The following GON4L variants were observed in gnomAD, a reference collection of about 807,000 sequenced individuals.
The protein encoded by GON4L is gon-4 like.
A neutral mutation model predicts 211.8 loss-of-function variants in GON4L; 87 were observed. That is an observed-to-expected ratio of 0.41 (90% CI 0.35 to 0.49). The LOEUF is 0.49. GON4L is among the 20% of genes least tolerant of loss of function. The pLI, the probability that GON4L is intolerant of heterozygous loss-of-function variation, is 0.15. For missense variants in GON4L, 2,155 were observed against 2,659.5 expected, an observed-to-expected ratio of 0.81 and a Z score of 4.17; for synonymous variants, 875 against 962.6, an observed-to-expected ratio of 0.91 and a Z score of 1.68.
In GON4L at chr1:155,822,401, C is replaced by G. The variant is rs1214781528; in HGVS notation, c.773G>C (p.Gly258Ala). The change falls in exon 4 of 32, where the codon GGT becomes GCT. Residue 258 changes from glycine (G) to alanine (A), a missense_variant. Gly to Ala is a moderately conservative substitution (Grantham distance 60, BLOSUM62 0). Coordinates refer to ENST00000368331, the MANE Select transcript of GON4L (RefSeq NM_001282860.2). ...KGTKRKRDGR[G>A]QEGTLAYDLK... is the part of the protein sequence containing the mutation. ...GTCATATGCCAAGGTCCCTTCTTGA[C>G]CCCTTCCATCTCGTTTCCTCTTGGT... 1.2e-6 allele frequency: 2 copies of G among 1,613,648 alleles called. No homozygotes were observed. Among genetic ancestry groups the G allele is most frequent in the South Asian group, 2.2e-5 (2 of 91,076 alleles).
chr1:155,792,032 T>C (rs1665644421), intron 12 of GON4L, among the ~76,000 whole-genome samples: 1 of 152,134 alleles, frequency 6.6e-6, no homozygotes, highest in Admixed American at 6.6e-5. Context: ...TGAATTTGCA[T>C]TCAGATTTGG....
Position 155,825,029 on chromosome 1 carries a change from T to C in GON4L, c.697+1808A>G, listed in dbSNP as rs1669064831. Among the ~76,000 whole-genome samples, 3 of 151,968 alleles carry C rather than the reference T, an allele frequency of 2.0e-5. No individual in the cohort carries two copies. The South Asian group carries it at 6.2e-4, about 32-fold the overall frequency. ...AAAAATGAAAATTAGCCAGGCATTG[T>C]GGCGTGCACCTAGAGTCCGAGTTGC... On this transcript the variant is annotated intron_variant, in intron 3 of 31. Coordinates refer to ENST00000368331, the MANE Select transcript of GON4L (RefSeq NM_001282860.2).
In GON4L at chr1:155,765,304, G is replaced by A. The variant is rs1413429707; in HGVS notation, c.4169C>T (p.Pro1390Leu). The A allele has an allele frequency of 1.1e-5, 18 of 1,614,198 alleles. No homozygotes were observed. Among genetic ancestry groups the A allele is most frequent in the Non-Finnish European group, 1.4e-5 (17 of 1,180,032 alleles). ...EEERSQPTKT[P>L]SSSQEPPDEG... ...ATCAGGGGGCTCTTGAGAAGATGAA[G>A]GGGTTTTAGTTGGCTGACTCCTCTC... Residue 1390 changes from proline (P) to leucine (L), a missense_variant, in exon 21 of 32, where the codon CCT becomes CTT. By Grantham distance (98) the Pro-to-Leu change is moderately conservative. Around this residue, in one of 6 missense-constraint regions of GON4L, gnomAD observed 615 missense variants for 625.7 expected, o/e 0.98. Coordinates refer to ENST00000368331, the MANE Select transcript of GON4L (RefSeq NM_001282860.2).
intron 2 of GON4L, among the ~76,000 whole-genome samples, chr1:155,841,398 T>C (rs182426114): frequency 3.9e-5 from 6 of 152,326 alleles, no homozygotes; most frequent in East Asian, 1.9e-4. Flanking sequence ...GATACCTAAA[T>C]AGCTGAACAA....
At chr1:155,786,331 G>C (rs1664938353) in intron 12 of GON4L, among the ~76,000 whole-genome samples, 1 of 152,028 alleles carries the variant, frequency 6.6e-6, no homozygotes, top group Non-Finnish European at 1.5e-5. Flanking sequence ...ATCAAGAGAT[G>C]AGTCTCCTAG....
At position 155,772,193 on chromosome 1, in the gene GON4L, T is replaced by C. The variant is rs147210332; in HGVS notation, c.2495+873A>G. On this transcript the variant is annotated intron_variant, in intron 18 of 31. Coordinates refer to ENST00000368331, the MANE Select transcript of GON4L (RefSeq NM_001282860.2). ...AATACTTCACAATTATGTGGGAACA[T>C]AAGAAACTAGGCATAAATCATTAAT... Among the ~76,000 whole-genome samples the C allele has an allele frequency of 1.8e-3, 269 of 151,892 alleles. 1 individual carries two copies. Among genetic ancestry groups the C allele is most frequent in the African/African-American group, 6.2e-3 (258 of 41,452 alleles).
At chr1:155,850,590 G>C (rs747275604) in intron 2 of GON4L, among the ~76,000 whole-genome samples, 1 of 152,094 alleles carries the variant, frequency 6.6e-6, no homozygotes. Flanking sequence ...CCTCATCTTG[G>C]GCACTCCATC....
Position 155,752,531 on chromosome 1 carries a change from G to A in GON4L, c.5902C>T (p.Leu1968Phe). ...TGAGGTGGTGGGCCATCCAGGAGGAGCCGTTCTGTAACAGTCACTTCTCGA... is the reference window on the plus strand; with the variant it reads ...TGAGGTGGTGGGCCATCCAGGAGGAACCGTTCTGTAACAGTCACTTCTCGA... ...SPREVTVTERLLLDGPPPHSP... is the reference protein window; with the variant it reads ...SPREVTVTERFLLDGPPPHSP... The change falls in exon 30 of 32, where the codon CTC becomes TTC. Residue 1968 changes from leucine (L) to phenylalanine (F), a missense_variant. Coordinates refer to ENST00000368331, the MANE Select transcript of GON4L (RefSeq NM_001282860.2). 1.2e-6 allele frequency: 2 copies of A among 1,602,200 alleles called. No homozygotes were observed. Among genetic ancestry groups the A allele is most frequent in the Non-Finnish European group, 1.7e-6 (2 of 1,174,262 alleles).
chr1:155,760,544 T>C lies in GON4L; in HGVS notation c.5009A>G (p.Asp1670Gly). The C allele has an allele frequency of 1.2e-6, 2 of 1,612,718 alleles. No homozygotes were observed. Among genetic ancestry groups the C allele is most frequent in the Non-Finnish European group, 8.5e-7 (1 of 1,178,728 alleles). Residue 1670 changes from aspartate (D) to glycine (G), a missense_variant, in exon 24 of 32, where the codon GAT (aspartate) becomes GGT (glycine). Asp to Gly is a moderately conservative substitution (Grantham distance 94). This residue lies in a region of GON4L where 455 missense variants were observed against 504.6 expected (regional missense o/e 0.90). Coordinates refer to ENST00000368331, the MANE Select transcript of GON4L (RefSeq NM_001282860.2). ...ESSTQRRTAV[D>G]LYKSLQILLQ... Reference sequence around the variant, plus strand: ...CAGAATTTGCAGGCTTTTGTAGAGATCTACAGCCGTCCGTCTCTGGGTACT... The same window carrying C: ...CAGAATTTGCAGGCTTTTGTAGAGACCTACAGCCGTCCGTCTCTGGGTACT...
chr1:155,774,454 G>A (rs1434655257), intron 17 of GON4L, among the ~76,000 whole-genome samples: 2 of 151,846 alleles, frequency 1.3e-5, no homozygotes, highest in East Asian at 3.9e-4. Flanking sequence ...GACTACAGGC[G>A]CGTGCCCCCA....
At position 155,750,592 on chromosome 1, in the gene GON4L, C is replaced by T. The variant is rs768133131; in HGVS notation, c.6718G>A (p.Asp2240Asn). 6.3e-7 allele frequency: 1 copy of T among 1,588,076 alleles called. No individual in the cohort carries two copies. Among genetic ancestry groups the T allele is most frequent in the Non-Finnish European group, 8.6e-7 (1 of 1,157,750 alleles). The change falls in exon 32 of 32, where the codon GAT (aspartate) becomes AAT (asparagine). Residue 2240 changes from aspartate to asparagine, a missense_variant. Asp to Asn is a conservative substitution (Grantham distance 23, BLOSUM62 1). Around this residue, in one of 6 missense-constraint regions of GON4L, gnomAD observed 186 missense variants for 308.1 expected, o/e 0.60. Coordinates refer to ENST00000368331, the MANE Select transcript of GON4L (RefSeq NM_001282860.2). ...HGDLLSEEEL[D>N]E ...AGATGATTCCCAGAGTCTCATTCAT[C>T]CAGCTCCTCTTCAGACAGAAGGTCC...
At chr1:155,844,833 T>C (rs887975735) in intron 2 of GON4L, among the ~76,000 whole-genome samples, 7 of 152,226 alleles carry the variant, frequency 4.6e-5, no homozygotes, top group African/African-American at 1.4e-4. Context: ...TTAGGACCTC[T>C]AGCAGCTATC....
intron 6 of GON4L, among the ~76,000 whole-genome samples, chr1:155,816,773 T>TTTA (rs377228820): frequency 1.3e-4 from 10 of 78,074 alleles, no homozygotes; most frequent in Admixed American, 3.9e-4. Context: ...TTTTTTTTCT[T>TTTA]AAAAAAAAAA....
In GON4L at chr1:155,765,442, A is replaced by G. The variant is rs1223057542; in HGVS notation, c.4031T>C (p.Ile1344Thr). Residue 1344 changes from isoleucine to threonine, a missense_variant, in exon 21 of 32, where the codon ATT becomes ACT. Ile to Thr is a moderately conservative substitution (Grantham distance 89, BLOSUM62 -1). Coordinates refer to ENST00000368331, the MANE Select transcript of GON4L (RefSeq NM_001282860.2). ...ATGTTCCACTTTGATGTCATCACAAATATCACGCTCAGGGGATCCACTGAT... is the reference window on the plus strand; with the variant it reads ...ATGTTCCACTTTGATGTCATCACAAGTATCACGCTCAGGGGATCCACTGAT... ...EEISGSPERDICDDIKVEHAV... is the reference protein window; with the variant it reads ...EEISGSPERDTCDDIKVEHAV... 8 of 1,614,150 alleles carry G rather than the reference A, an allele frequency of 5.0e-6. No individual in the cohort carries two copies. The highest frequency in any genetic ancestry group is 2.2e-5 in the East Asian group (1 of 44,882).
chr1:155,851,112 T>C (rs551250060), intron 2 of GON4L, among the ~76,000 whole-genome samples: 28 of 149,874 alleles, frequency 1.9e-4, no homozygotes, highest in African/African-American at 6.9e-4. Context: ...CCCAGCACTT[T>C]GGGAGGACGA....
Position 155,763,529 on chromosome 1 carries a change from T to C in GON4L, c.4509A>G (p.Glu1503=). The change falls in exon 22 of 32, where the codon GAA becomes GAG. Residue 1503 remains glutamate, a synonymous_variant. Transcript: ENST00000368331. ...TMEKLTWLAS[E]RRMSQEGESE... The stretch of plus-strand genomic sequence containing the variant: ...ACTCACCCTCCTGACTCATGCGCCT[T>C]TCAGATGCCAGCCAAGTCAGTTTCT... 8 of 1,548,952 alleles carry C rather than the reference T, an allele frequency of 5.2e-6. No individual in the cohort carries two copies. Among genetic ancestry groups the C allele is most frequent in the Non-Finnish European group, 7.0e-6 (8 of 1,146,626 alleles).
At chr1:155,809,374 G>A (rs975527992) in intron 10 of GON4L, among the ~76,000 whole-genome samples, 3 of 151,796 alleles carry the variant, frequency 2.0e-5, no homozygotes, top group African/African-American at 7.3e-5. Flanking sequence ...CTTCTACACT[G>A]TTGTTTCTCA....
At chr1:155,774,865 TAA>T in intron 17 of GON4L, 135 bp downstream of exon 17, 1 of 923,586 alleles carries the variant, frequency 1.1e-6, no homozygotes, top group Non-Finnish European at 1.7e-6. Flanking sequence ...AAAGGGAGGA[TAA>T]AAGAGAGAAG....
chr1:155,847,167 A>C (rs951691808), intron 2 of GON4L, among the ~76,000 whole-genome samples: 2 of 152,254 alleles, frequency 1.3e-5, no homozygotes, highest in African/African-American at 2.4e-5. Context: ...TTCTGAACTC[A>C]GAATACCACA....
Sources: gnomAD v4.1 joint callset for allele counts (sites outside exome capture counted in the v4.1 genomes callset) on GRCh38, gnomAD v4.1.1 for gene constraint, gnomAD v4.1.1 regional missense constraint, MANE v1.5 for transcripts, NCBI Gene and HGNC (gene_info 2026-07-23, HGNC 2026-07-21) for gene names.